AKAP17A: variants seen among roughly 807,000 people sequenced by gnomAD.
AKAP17A encodes A-kinase anchor protein 17A.
A neutral mutation model predicts 52.2 loss-of-function variants in AKAP17A; 15 were observed. The observed-to-expected ratio is 0.29, with a 90% CI of 0.19 to 0.44. The LOEUF (loss-of-function observed/expected upper bound fraction) is 0.44. AKAP17A is among the 20% of genes least tolerant of loss of function. The pLI, the probability that AKAP17A is intolerant of heterozygous loss-of-function variation, is 1.00. For missense variants in AKAP17A, 1,060 were observed against 1,007.0 expected (o/e 1.05, Z -0.71); for synonymous variants, 514 against 424.7 (o/e 1.21, Z -2.58).
intron 4 of AKAP17A, among the ~76,000 whole-genome samples, 193 bp from the exon 5 acceptor site, chrX:1,600,466 G>A (rs1220385164): frequency 5.3e-5 from 8 of 152,080 alleles, no homozygotes; most frequent in African/African-American, 1.4e-4. Context: ...GTGTGGCCGC[G>A]GGAGCCGAGG....
chrX:1,600,268 C>A, intron 4 of AKAP17A: 1 of 1,158,988 alleles, frequency 8.6e-7, no homozygotes, highest in Non-Finnish European at 1.2e-6. Flanking sequence ...ACGGCGGTGG[C>A]ATGCGTCTGC....
Position 1,601,924 on chromosome X carries a change from C to T in AKAP17A, c.*330C>T. The T allele has an allele frequency of 3.2e-6, 1 of 315,856 alleles. No individual in the cohort carries two copies. The highest frequency in any genetic ancestry group is 4.9e-5 in the East Asian group (1 of 20,370). The allele number at this position is 315,856 out of a possible 1,614,324, so 19.6% of individuals were successfully genotyped here. A position where few individuals can be genotyped will look rare whatever the true frequency, so the allele number is the denominator to read the frequency against. ...GGATGGCAGAGCTGCTGCATTCCCC[C>T]ACACGGGGATTTCTGTGTCTGCTTG... On this transcript the variant is annotated 3_prime_UTR_variant, in exon 5 of 5. Transcript: ENST00000313871.
chrX:1,600,574 C>T, intron 4 of AKAP17A, 85 bp from the exon 5 acceptor site: 1 of 1,298,384 alleles, frequency 7.7e-7, no homozygotes, highest in Non-Finnish European at 1.0e-6. Context: ...GACCATGGGG[C>T]CTCCAAACAC....
intron 2 of AKAP17A, 107 bp from the exon 3 acceptor site, chrX:1,595,277 G>A (rs1417996986): frequency 1.8e-5 from 26 of 1,475,748 alleles, no homozygotes; most frequent in African/African-American, 2.8e-5. Context: ...GTGAGCGGGC[G>A]CTCAGGCTCT....
chrX:1,592,427 C>T (rs1165430654), intron 1 of AKAP17A, among the ~76,000 whole-genome samples: 2 of 151,212 alleles, frequency 1.3e-5, no homozygotes, highest in Non-Finnish European at 3.0e-5. Context: ...GGTCGGAGGG[C>T]GCTGGAGGCC....
intron 3 of AKAP17A, among the ~76,000 whole-genome samples, chrX:1,597,802 C>T (rs1358437421): frequency 6.6e-6 from 1 of 152,018 alleles, no homozygotes. Context: ...GTCTGCCTGG[C>T]CAGACCACAG....
chrX:1,594,167 C>T lies in AKAP17A; in HGVS notation c.705C>T (p.Arg235=), dbSNP rs142333546. 147 of 1,595,244 alleles carry T rather than the reference C, an allele frequency of 9.2e-5. No individual in the cohort carries two copies. Among genetic ancestry groups the T allele is most frequent in the Admixed American group, 7.8e-4 (45 of 57,714 alleles). Residue 235 remains arginine, a synonymous_variant, in exon 2 of 5, where the codon CGC becomes CGT. Coordinates refer to ENST00000313871, the MANE Select transcript of AKAP17A (RefSeq NM_005088.3). ...TCATCCAGGCCATGAGCGCCCTGCG[C>T]GGGATGAAACTCATGTACAAGGGCG... ...MGFIQAMSAL[R]GMKLMYKGED... is the part of the protein sequence containing the mutation.
intron 3 of AKAP17A, among the ~76,000 whole-genome samples, chrX:1,597,487 C>T (rs1211926979): frequency 6.6e-6 from 1 of 152,010 alleles, no homozygotes; most frequent in Non-Finnish European, 1.5e-5. Context: ...GGGGTTGAGT[C>T]CGGGTCCCCT....
Position 1,593,966 on chromosome X carries a change from G to T in AKAP17A, c.504G>T (p.Lys168Asn). Reference sequence around the variant, plus strand: ...CCCTGAAGGAGTCGGGCTCCGAGAAGCCCAGCGAGGACGTCCTGGTCAAGG... The same window carrying T: ...CCCTGAAGGAGTCGGGCTCCGAGAATCCCAGCGAGGACGTCCTGGTCAAGG... Reference protein sequence around the residue: ...WFALKESGSEKPSEDVLVKVF... With the variant: ...WFALKESGSENPSEDVLVKVF... The change falls in exon 2 of 5, where the codon AAG becomes AAT. Residue 168 changes from lysine (K) to asparagine (N), a missense_variant. Transcript: ENST00000313871. 6.2e-7 allele frequency: 1 copy of T among 1,603,120 alleles called. No individual in the cohort carries two copies. The highest frequency in any genetic ancestry group is 8.5e-7 in the Non-Finnish European group (1 of 1,173,468).
chrX:1,599,436 C>G lies in AKAP17A; in HGVS notation c.1152+4C>G. On this transcript the variant is annotated splice_donor_region_variant and intron_variant, in intron 4 of 4. Coordinates refer to ENST00000313871, the MANE Select transcript of AKAP17A (RefSeq NM_005088.3). ...CGAGCTGCTCAGCAGAGCCAAGGTACCCGGGGGCTCCCTCTGCAGCCGCCA... is the reference window on the plus strand; with the variant it reads ...CGAGCTGCTCAGCAGAGCCAAGGTAGCCGGGGGCTCCCTCTGCAGCCGCCA... The G allele has an allele frequency of 2.6e-6, 4 of 1,558,136 alleles. No homozygotes were observed. Among genetic ancestry groups the G allele is most frequent in the Non-Finnish European group, 3.5e-6 (4 of 1,152,042 alleles).
rs760705968 is a variant in AKAP17A, at chrX:1,594,214, G to A, written c.752G>A (p.Cys251Tyr). ...GGCGAGGACGGCAAGGCCGTGGCCT[G>A]CAACATCAAGGTGAGTCCTGGGCAC... Reference protein sequence around the residue: ...YKGEDGKAVACNIKVSFDSTK... With the variant: ...YKGEDGKAVAYNIKVSFDSTK... The change falls in exon 2 of 5, where the codon TGC becomes TAC. Residue 251 changes from cysteine to tyrosine, a missense_variant. Transcript: ENST00000313871. 1 of 1,536,344 alleles carries A rather than the reference G, an allele frequency of 6.5e-7. No homozygotes were observed. The highest frequency in any genetic ancestry group is 8.8e-7 in the Non-Finnish European group (1 of 1,140,046).
At position 1,601,715 on chromosome X, in the gene AKAP17A, AATG is replaced by A. The variant is rs2149447432; in HGVS notation, c.*122_*124del. 1 of 961,064 alleles carries A rather than the reference AATG, an allele frequency of 1.0e-6. No individual in the cohort carries two copies. Among genetic ancestry groups the A allele is most frequent in the Non-Finnish European group, 1.4e-6 (1 of 718,958 alleles). 59.5% of individuals were successfully genotyped at this position (961,064 alleles called of 1,614,324 possible). A position where few individuals can be genotyped will look rare whatever the true frequency, so the allele number is the denominator to read the frequency against. ...AAGCCAAGACCCTTCTGCAGCCACGAATGTCCACGGAGCCCGCCGGCAGGAAGG... is the reference window on the plus strand; with the variant it reads ...AAGCCAAGACCCTTCTGCAGCCACGATCCACGGAGCCCGCCGGCAGGAAGG... On this transcript the variant is annotated 3_prime_UTR_variant, in exon 5 of 5. Transcript: ENST00000313871.
intron 3 of AKAP17A, among the ~76,000 whole-genome samples, chrX:1,598,960 G>A (rs746478981): frequency 2.0e-5 from 3 of 152,278 alleles, no homozygotes; most frequent in Admixed American, 1.3e-4. Context: ...TTTCAGGGTT[G>A]GGTCACACTT....
chrX:1,600,884 C>G lies in AKAP17A; in HGVS notation c.1378C>G (p.His460Asp). ...CACACACGACGAGCTGGGCGTGGCA[C>G]ACGCCGACCTGCTGCAGCCCGTCCT... is the stretch of plus-strand genomic sequence containing the variant. ...SHTHDELGVAHADLLQPVLDI... is the reference protein window; with the variant it reads ...SHTHDELGVADADLLQPVLDI... Residue 460 changes from histidine (H) to aspartate (D), a missense_variant, in exon 5 of 5, where the codon CAC becomes GAC. Transcript: ENST00000313871. The G allele has an allele frequency of 6.3e-7, 1 of 1,581,248 alleles. No homozygotes were observed. Among genetic ancestry groups the G allele is most frequent in the Non-Finnish European group, 8.6e-7 (1 of 1,167,968 alleles).
At position 1,602,061 on chromosome X, in the gene AKAP17A, C is replaced by G. The variant is rs1217712357; in HGVS notation, c.*467C>G. ...CTTTCCCCCCCGTTTGTAATGTTAA[C>G]TGATCAGGAAGTGCAGTTTGGGTGG... On this transcript the variant is annotated 3_prime_UTR_variant, in exon 5 of 5. Coordinates refer to ENST00000313871, the MANE Select transcript of AKAP17A (RefSeq NM_005088.3). The G allele has an allele frequency of 6.2e-6, 1 of 160,148 alleles. No homozygotes were observed. The allele number at this position is 160,148 out of a possible 1,614,324, so 9.9% of individuals were successfully genotyped here.
In AKAP17A at chrX:1,601,165, C is replaced by T. The variant is rs1933353905; in HGVS notation, c.1659C>T (p.Asn553=). ...PGGVLSCIPD[N]NQQPKGIPAC... ...GCGTCCTCTCCTGCATTCCTGACAA[C>T]AACCAACAGCCCAAGGGCATCCCTG... Residue 553 remains asparagine, a synonymous_variant, in exon 5 of 5, where the codon AAC becomes AAT. Transcript: ENST00000313871. The T allele has an allele frequency of 1.2e-6, 2 of 1,613,904 alleles. No homozygotes were observed. The highest frequency in any genetic ancestry group is 1.7e-6 in the Non-Finnish European group (2 of 1,179,764).
At chrX:1,594,978 G>GT (rs1177172627) in intron 2 of AKAP17A, among the ~76,000 whole-genome samples, 1 of 152,190 alleles carries the variant, frequency 6.6e-6, no homozygotes, top group Non-Finnish European at 1.5e-5. Context: ...CCTGGAGGGG[G>GT]TTTTGTGGCC....
At chrX:1,598,820 G>A (rs1433834117) in intron 3 of AKAP17A, among the ~76,000 whole-genome samples, 19 of 152,190 alleles carry the variant, frequency 1.2e-4, no homozygotes, top group East Asian at 1.9e-4. Context: ...CCTCCGCGCC[G>A]CTGTGCATCC....
chrX:1,600,094 G>T, intron 4 of AKAP17A: 1 of 1,199,692 alleles, frequency 8.3e-7, no homozygotes, highest in Non-Finnish European at 1.1e-6. Flanking sequence ...CGTCCCCCTG[G>T]AGTCCAACGC....
Sources: allele counts gnomAD v4.1 joint callset (sites outside exome capture counted in the v4.1 genomes callset), GRCh38; gene constraint gnomAD v4.1.1; transcripts MANE v1.5; gene names NCBI Gene and HGNC (gene_info 2026-07-23, HGNC 2026-07-21).